Variants in IL19 observed in about 807,000 individuals in gnomAD.
IL19 encodes interleukin-19.
A neutral mutation model predicts 19.5 loss-of-function variants in IL19; 15 were observed. The observed-to-expected ratio is 0.77, with a 90% CI of 0.52 to 1.19. IL19 has a LOEUF of 1.19. Among genes scored for constraint, IL19 ranks in the 50% most tolerant of loss-of-function variants. IL19 has a pLI of 0.00. For missense variants in IL19, 199 were observed against 213.1 expected, an observed-to-expected ratio of 0.93 and a Z score of 0.41; for synonymous variants, 78 against 78.3, an observed-to-expected ratio of 1.00 and a Z score of 0.02.
chr1:206,797,544 T>C (rs1675554710), intron 1 of IL19, among the ~76,000 whole-genome samples: 1 of 152,196 alleles, frequency 6.6e-6, no homozygotes, highest in South Asian at 2.1e-4. Flanking sequence ...AATTTGTATA[T>C]TGGGAATGGG....
chr1:206,840,050 G>A (rs200015426), intron 5 of IL19, 48 bp downstream of exon 5: 1 of 1,608,622 alleles, frequency 6.2e-7, no homozygotes, highest in Non-Finnish European at 8.5e-7. Context: ...GTCTGCCCAA[G>A]GAGAGGCCAG....
At chr1:206,785,567 G>A (rs1248391508) in intron 1 of IL19, among the ~76,000 whole-genome samples, 1 of 152,200 alleles carries the variant, frequency 6.6e-6, no homozygotes, top group Non-Finnish European at 1.5e-5. Context: ...CAGAGCAGAA[G>A]GTTAGCATTT....
intron 2 of IL19, among the ~76,000 whole-genome samples, chr1:206,821,874 T>C (rs542578911): frequency 6.6e-6 from 1 of 152,216 alleles, no homozygotes; most frequent in South Asian, 2.1e-4. Context: ...TCCTCACACT[T>C]TGGGAAAGGG....
chr1:206,839,971 T>C lies in IL19; in HGVS notation c.332T>C (p.Phe111Ser), dbSNP rs1330787231. ...LRKISSIANS[F>S]LYMQKTLRQC... ...AAAATCAGCAGCATTGCCAACTCTT[T>C]CCTCTACATGCAGAAAACTCTGCGG... The change falls in exon 5 of 7, where the codon TTC becomes TCC. Residue 111 changes from phenylalanine to serine, a missense_variant. By Grantham distance (155) the Phe-to-Ser change is radical (BLOSUM62 -2). Coordinates refer to ENST00000659997, the MANE Select transcript of IL19 (RefSeq NM_153758.5). 1.2e-6 allele frequency: 2 copies of C among 1,614,166 alleles called. No individual in the cohort carries two copies. The highest frequency in any genetic ancestry group is 1.7e-6 in the Non-Finnish European group (2 of 1,180,028).
chr1:206,821,230 C>A (rs1310231089), intron 2 of IL19, among the ~76,000 whole-genome samples: 1 of 152,154 alleles, frequency 6.6e-6, no homozygotes, highest in African/African-American at 2.4e-5. Context: ...ATGACAGGTT[C>A]TGGAAGTTAA....
Position 206,834,382 on chromosome 1 carries a change from C to T in IL19, c.-2-2279C>T, listed in dbSNP as rs140996977. ...CTGAGAGGAGACACAAGGAGCAGCC[C>T]GCAAGCACCAAGTGAGAGGTGAGGC... On this transcript the variant is annotated intron_variant, in intron 2 of 6. Transcript: ENST00000659997. 112 of 985,628 alleles carry T rather than the reference C, an allele frequency of 1.1e-4. No homozygotes were observed. In the African/African-American group the frequency reaches 1.7e-3, roughly 15 times the overall value. 61.1% of individuals were successfully genotyped at this position (985,628 alleles called of 1,614,324 possible).
rs553928074 is a variant in IL19 at position 206,775,680 on chromosome 1, T to C, written c.-149+4602T>C. ...CTCCTATTTCTCAAGTTTTTGAAGA[T>C]ACCTGTTCATCTGAAAAGTCACTGG... On this transcript the variant is annotated intron_variant, in intron 1 of 6. Transcript: ENST00000659997. Among the ~76,000 whole-genome samples, 12 of 152,342 alleles carry C rather than the reference T, an allele frequency of 7.9e-5. No homozygotes were observed. In the South Asian group the frequency reaches 1.0e-3, roughly 13 times the overall value.
intron 5 of IL19, chr1:206,840,487 A>T: frequency 4.0e-6 from 1 of 247,558 alleles, no homozygotes; most frequent in Non-Finnish European, 8.0e-6. Flanking sequence ...CCTGGGCTCT[A>T]GCCCCATTCC....
chr1:206,814,593 C>T (rs1676099105), intron 2 of IL19, among the ~76,000 whole-genome samples: 1 of 151,178 alleles, frequency 6.6e-6, no homozygotes, highest in African/African-American at 2.4e-5. Context: ...ACTCGAGGGG[C>T]TGAGGCATGA....
intron 2 of IL19, among the ~76,000 whole-genome samples, chr1:206,826,010 A>G (rs1394864642): frequency 6.6e-6 from 1 of 152,122 alleles, no homozygotes; most frequent in Non-Finnish European, 1.5e-5. Context: ...ACTGTTATAC[A>G]CCCTCTGCTT....
At chr1:206,776,792 G>A (rs1401496809) in intron 1 of IL19, among the ~76,000 whole-genome samples, 4 of 151,828 alleles carry the variant, frequency 2.6e-5, no homozygotes, top group South Asian at 2.1e-4. Context: ...AGAGCACAGC[G>A]GGAGGGACAA....
intron 1 of IL19, among the ~76,000 whole-genome samples, chr1:206,785,878 A>C (rs1675258926): frequency 1.3e-5 from 2 of 152,234 alleles, no homozygotes; most frequent in African/African-American, 2.4e-5. Context: ...ATGTTGCTCC[A>C]GTTTCCAAAA....
intron 1 of IL19, among the ~76,000 whole-genome samples, chr1:206,782,345 C>A (rs1219858828): frequency 6.6e-6 from 1 of 152,070 alleles, no homozygotes; most frequent in Admixed American, 6.6e-5. Flanking sequence ...TTAGTTGGAG[C>A]ATAAGAATTT....
chr1:206,809,469 C>T (rs527355957), intron 2 of IL19, among the ~76,000 whole-genome samples: 26 of 152,212 alleles, frequency 1.7e-4, no homozygotes, highest in Middle Eastern at 3.4e-3. Flanking sequence ...CTCTGTTGGC[C>T]AACTGGGTAG....
chr1:206,792,968 G>A (rs1675442670), intron 1 of IL19, among the ~76,000 whole-genome samples: 1 of 152,226 alleles, frequency 6.6e-6, no homozygotes, highest in African/African-American at 2.4e-5. Flanking sequence ...ACTTCGTGGT[G>A]CCTGGCACAA....
intron 2 of IL19, among the ~76,000 whole-genome samples, chr1:206,823,923 G>T (rs112667395): frequency 7.2e-5 from 11 of 152,172 alleles, no homozygotes; most frequent in African/African-American, 2.7e-4. Context: ...TGGAGGCCCT[G>T]CTTCCCTCCG....
rs1328141097 is a variant in IL19 at position 206,770,857 on chromosome 1, G to GAT, written c.-369_-368dup. On this transcript the variant is annotated 5_prime_UTR_variant, in exon 1 of 7. In the 5' UTR this introduces an upstream ATG that the reference lacks. Transcript: ENST00000659997. The stretch of plus-strand genomic sequence containing the variant: ...TGAGTGTCCCTGCTGGTCTGTAGGA[G>GAT]ATGGTATTTTGGGGGCAGCTGCAAG... The GAT allele has an allele frequency of 6.4e-7, 1 of 1,570,786 alleles. No individual in the cohort carries two copies. The highest frequency in any genetic ancestry group is 1.1e-5 in the South Asian group (1 of 90,316).
chr1:206,823,204 C>T (rs1183106557), intron 2 of IL19, among the ~76,000 whole-genome samples: 1 of 151,980 alleles, frequency 6.6e-6, no homozygotes, highest in African/African-American at 2.4e-5. Context: ...TGCTGGGAGG[C>T]ATATGCCACC....
intron 2 of IL19, among the ~76,000 whole-genome samples, chr1:206,830,574 G>GTT (rs113193509): frequency 0.77 from 114,502 of 147,934 alleles, 43,912 homozygotes; most frequent in Non-Finnish European, 0.81. Flanking sequence ...ATCATTATCA[G>GTT]TTTTATATAT....
Sources: gnomAD v4.1 joint callset for allele counts (sites outside exome capture counted in the v4.1 genomes callset) on GRCh38, gnomAD v4.1.1 for gene constraint, MANE v1.5 for transcripts, NCBI Gene and HGNC (gene_info 2026-07-23, HGNC 2026-07-21) for gene names.